USP54: variants seen among roughly 807,000 people sequenced by gnomAD.
USP54 encodes the protein ubiquitin specific peptidase 54.
Under a neutral mutation model 170.5 loss-of-function variants are expected in USP54, and 87 were observed. That is an observed-to-expected ratio of 0.51 (90% CI 0.43 to 0.61). The LOEUF is 0.61. Ranked by LOEUF, USP54 falls within the 20% of genes least tolerant of loss-of-function variation. The pLI, the probability that USP54 is intolerant of heterozygous loss-of-function variation, is 0.00. For synonymous variants in USP54, 655 were observed against 742.8 expected (o/e 0.88, Z 1.92); for missense variants, 1,786 against 2,047.8 (o/e 0.87, Z 2.47).
In USP54 at chr10:73,517,590, T is replaced by A. The variant is rs1489066944; in HGVS notation, c.2836A>T (p.Ser946Cys). 1 of 1,614,168 alleles carries A rather than the reference T, an allele frequency of 6.2e-7. No individual in the cohort carries two copies. Among genetic ancestry groups the A allele is most frequent in the Non-Finnish European group, 8.5e-7 (1 of 1,180,034 alleles). The change falls in exon 20 of 24, where the codon AGC (serine) becomes TGC (cysteine). Residue 946 changes from serine (S) to cysteine (C), a missense_variant. Ser to Cys is a moderately radical substitution (Grantham distance 112). Transcript: ENST00000687698. ...LSPESSAPQHSSPSRSALKLL... is the reference protein window; with the variant it reads ...LSPESSAPQHCSPSRSALKLL... ...TTCAAGGCAGATCTACTGGGGGAGC[T>A]GTGCTGTGGGGCAGATGACTCTGGA...
intron 15 of USP54, chr10:73,529,270 G>A (rs546206329): frequency 9.0e-6 from 2 of 222,766 alleles, no homozygotes; most frequent in Non-Finnish European, 1.8e-5. Flanking sequence ...AACACACAGA[G>A]GGGAACAACA....
chr10:73,585,190 TGAACAA>T (rs562002321), intron 1 of USP54, among the ~76,000 whole-genome samples: 24 of 152,312 alleles, frequency 1.6e-4, no homozygotes, highest in African/African-American at 5.5e-4. Context: ...TACAGAAACT[TGAACAA>T]ATAGTAGCAA....
At chr10:73,543,304 T>C (rs1378638837) in intron 5 of USP54, among the ~76,000 whole-genome samples, 173 bp from the exon 6 acceptor site, 1 of 152,202 alleles carries the variant, frequency 6.6e-6, no homozygotes, top group African/African-American at 2.4e-5. Context: ...TTCAAAAATG[T>C]ATAGGAGATC....
chr10:73,575,672 T>C lies in USP54; in HGVS notation c.-14A>G. 3.2e-6 allele frequency: 5 copies of C among 1,563,522 alleles called. No individual in the cohort carries two copies. Among genetic ancestry groups the C allele is most frequent in the Non-Finnish European group, 4.3e-6 (5 of 1,153,244 alleles). On this transcript the variant is annotated 5_prime_UTR_variant, in exon 3 of 24. Coordinates refer to ENST00000687698, the MANE Select transcript of USP54 (RefSeq NM_001391956.1). Reference sequence around the variant, plus strand: ...CTTCCAAGACATTATTGTTCACATTTAGCCTGAAAAAAAAATGGAGAAGGA... The same window carrying C: ...CTTCCAAGACATTATTGTTCACATTCAGCCTGAAAAAAAAATGGAGAAGGA...
chr10:73,587,781 A>G (rs1322080097), intron 1 of USP54, among the ~76,000 whole-genome samples: 1 of 152,228 alleles, frequency 6.6e-6, no homozygotes, highest in Non-Finnish European at 1.5e-5. Flanking sequence ...ACGTATAATT[A>G]GCCCAGTGCC....
intron 5 of USP54, among the ~76,000 whole-genome samples, chr10:73,543,811 G>GCTCC (rs2067144786): frequency 6.6e-6 from 1 of 152,014 alleles, no homozygotes; most frequent in Non-Finnish European, 1.5e-5. Context: ...CCATCACAAG[G>GCTCC]CTCCCTCATG....
In USP54 at chr10:73,498,693, A is replaced by T. The variant is rs1299893038; in HGVS notation, c.4991T>A (p.Val1664Asp). Residue 1664 changes from valine to aspartate, a missense_variant, in exon 24 of 24, where the codon GTT becomes GAT. By Grantham distance (152) the Val-to-Asp change is radical (BLOSUM62 -3). This residue lies in a region of USP54 where 1,418 missense variants were observed against 1,569.0 expected (regional missense o/e 0.90). Coordinates refer to ENST00000687698, the MANE Select transcript of USP54 (RefSeq NM_001391956.1). ...CTCTCTTCTGGGAGCATCTGATAGA[A>T]CAAACAGAAACCCCTCTCCCACTGT... is the stretch of plus-strand genomic sequence containing the variant. ...RRTVGEGFLF[V>D]LSDAPRREQI... The T allele has an allele frequency of 3.1e-6, 5 of 1,605,724 alleles. No homozygotes were observed. Among genetic ancestry groups the T allele is most frequent in the Middle Eastern group, 1.7e-4 (1 of 6,044 alleles).
chr10:73,558,546 T>C (rs2071847795), intron 4 of USP54, among the ~76,000 whole-genome samples: 1 of 152,132 alleles, frequency 6.6e-6, no homozygotes, highest in African/African-American at 2.4e-5. Context: ...GGAATATATA[T>C]CTTTAAGCCA....
intron 10 of USP54, chr10:73,537,835 G>C (rs2065573289): frequency 6.6e-6 from 1 of 151,994 alleles, no homozygotes. Flanking sequence ...ATGCCAAAAA[G>C]GGCTGTGGCT....
chr10:73,593,178 G>A (rs549501033), upstream of USP54, among the ~76,000 whole-genome samples: 31 of 151,870 alleles, frequency 2.0e-4, no homozygotes, highest in African/African-American at 7.5e-4. Flanking sequence ...GGGCAACACA[G>A]GGAGGCCCCT....
Position 73,550,902 on chromosome 10 carries a change from C to T in USP54, c.241-5230G>A, listed in dbSNP as rs548031213. On this transcript the variant is annotated intron_variant, in intron 4 of 23. Transcript: ENST00000687698. ...TGGGCGGATCACGAGGTCAGGAGAT[C>T]GAGACCATCCTGGCTAACAAGGTGA... 1.4e-4 allele frequency among the ~76,000 whole-genome samples: 21 copies of T among 152,130 alleles called. No homozygotes were observed. The East Asian group carries it at 3.5e-3, about 25-fold the overall frequency.
At position 73,536,364 on chromosome 10, in the gene USP54, G is replaced by T; in HGVS notation, c.1049C>A (p.Ala350Glu). Reference sequence around the variant, plus strand: ...GGAAACTGGGGTACCCTGGGGATCTGCATAAAGCAGCAGCAGGGGCTGATA... The same window carrying T: ...GGAAACTGGGGTACCCTGGGGATCTTCATAAAGCAGCAGCAGGGGCTGATA... ...GHYQPLLLLY[A>E]DPQGTPVSTQ... Residue 350 changes from alanine to glutamate, a missense_variant, in exon 11 of 24, where the codon GCA (alanine) becomes GAA (glutamate). Transcript: ENST00000687698. 6.2e-7 allele frequency: 1 copy of T among 1,611,868 alleles called. No individual in the cohort carries two copies. Among genetic ancestry groups the T allele is most frequent in the Non-Finnish European group, 8.5e-7 (1 of 1,178,910 alleles).
At chr10:73,529,630 G>A (rs1272368624) in intron 15 of USP54, 50 bp downstream of exon 15, 1 of 1,604,890 alleles carries the variant, frequency 6.2e-7, no homozygotes, top group Non-Finnish European at 8.5e-7. Context: ...CAAGTAGGTG[G>A]CTCACATTGC....
In USP54 at chr10:73,520,346, A is replaced by G. The variant is rs573172291; in HGVS notation, c.2483-354T>C. Among the ~76,000 whole-genome samples, 133 of 152,248 alleles carry G rather than the reference A, an allele frequency of 8.7e-4. 1 individual carries two copies. In the Middle Eastern group the frequency reaches 0.017, roughly 19 times the overall value. ...CTCTACTCTCACCCCTCTCTTCCCA[A>G]TGGCCAACAGCAGAAATAAGATCCA... is the stretch of plus-strand genomic sequence containing the variant. On this transcript the variant is annotated intron_variant, in intron 18 of 23. Transcript: ENST00000687698.
chr10:73,501,585 C>T (rs2058115709), intron 22 of USP54, among the ~76,000 whole-genome samples: 3 of 152,184 alleles, frequency 2.0e-5, no homozygotes, highest in Admixed American at 2.0e-4. Flanking sequence ...ATCATTTCTA[C>T]CTATGGGTTT....
intron 1 of USP54, among the ~76,000 whole-genome samples, chr10:73,583,912 A>T (rs2077178750): frequency 1.3e-5 from 2 of 152,206 alleles, no homozygotes; most frequent in African/African-American, 2.4e-5. Context: ...TGGTTATATA[A>T]GATGGTATCA....
chr10:73,505,044 TC>T, intron 21 of USP54, 54 bp from the exon 22 acceptor site: 2 of 1,608,394 alleles, frequency 1.2e-6, no homozygotes, highest in South Asian at 2.2e-5. Context: ...CTTATGGTTT[TC>T]CCACAGACAG....
chr10:73,523,098 C>T (rs1003436955), intron 17 of USP54, among the ~76,000 whole-genome samples: 3 of 152,140 alleles, frequency 2.0e-5, no homozygotes, highest in Non-Finnish European at 4.4e-5. Context: ...AAGTAAAGTC[C>T]ATGCAAATTG....
intron 15 of USP54, among the ~76,000 whole-genome samples, chr10:73,528,058 C>T (rs950052954): frequency 6.6e-6 from 1 of 151,944 alleles, no homozygotes; most frequent in African/African-American, 2.4e-5. Flanking sequence ...GCCTCAGCCT[C>T]CAGAGTAGCT....
Sources: allele counts gnomAD v4.1 joint callset (sites outside exome capture counted in the v4.1 genomes callset), GRCh38; gene constraint gnomAD v4.1.1; regional missense constraint gnomAD v4.1.1; transcripts MANE v1.5; gene names NCBI Gene and HGNC (gene_info 2026-07-23, HGNC 2026-07-21).